ADAM10: variants seen among roughly 807,000 people sequenced by gnomAD.
The protein encoded by ADAM10 is ADAM metallopeptidase domain 10.
ADAM10 carries 17 observed loss-of-function variants against 90.1 expected under a neutral mutation model. The ratio of observed to expected loss-of-function variants is 0.19; its 90% CI spans 0.13 to 0.28. ADAM10 has a LOEUF of 0.28. ADAM10 is among the 10% of genes least tolerant of loss of function. The pLI, the probability that ADAM10 is intolerant of heterozygous loss-of-function variation, is 1.00. For missense variants in ADAM10, 610 were observed against 914.3 expected, an observed-to-expected ratio of 0.67 and a Z score of 4.29; for synonymous variants, 310 against 298.6, an observed-to-expected ratio of 1.04 and a Z score of -0.40.
At chr15:58,614,296 GAAAGA>G (rs1895539543) in intron 11 of ADAM10, among the ~76,000 whole-genome samples, 1 of 42,966 alleles carries the variant, frequency 2.3e-5, no homozygotes, top group Non-Finnish European at 3.6e-5. Flanking sequence ...AAAATAAAAA[GAAAGA>G]AAAAAGAAAG....
Position 58,708,477 on chromosome 15 carries a change from C to A in ADAM10, c.206+9100G>T, listed in dbSNP as rs571623087. Reference sequence around the variant, plus strand: ...AAGAGTTCGAGACCGGCCCGGGCAACACAGCAAGAAGCCCTATCTACAAAA... The same window carrying A: ...AAGAGTTCGAGACCGGCCCGGGCAAAACAGCAAGAAGCCCTATCTACAAAA... On this transcript the variant is annotated intron_variant, in intron 2 of 15. Transcript: ENST00000260408. Among the ~76,000 whole-genome samples the A allele has an allele frequency of 3.4e-4, 51 of 152,102 alleles. 2 individuals are homozygous for A. In the South Asian group the frequency reaches 0.01, roughly 30 times the overall value.
intron 9 of ADAM10, 78 bp downstream of exon 9, chr15:58,633,118 G>T: frequency 2.9e-6 from 4 of 1,382,482 alleles, no homozygotes; most frequent in Non-Finnish European, 4.1e-6. Flanking sequence ...TGTTTTCACG[G>T]TGAATTTTAA....
intron 14 of ADAM10, among the ~76,000 whole-genome samples, chr15:58,604,014 ACATGCTCTGTCCC>A (rs1461942345): frequency 6.6e-6 from 1 of 152,134 alleles, no homozygotes; most frequent in Non-Finnish European, 1.5e-5. Context: ...TGACTTTTTC[ACATGCTCTGTCCC>A]CATAAAATAT....
chr15:58,608,665 G>A lies in ADAM10; in HGVS notation c.2025+1632C>T, dbSNP rs1895347388. Among the ~76,000 whole-genome samples, 3 of 152,146 alleles carry A rather than the reference G, an allele frequency of 2.0e-5. No individual in the cohort carries two copies. The South Asian group carries it at 6.2e-4, about 31-fold the overall frequency. On this transcript the variant is annotated intron_variant, in intron 14 of 15. Transcript: ENST00000260408. ...TCCAGAGCACAAGAAAGGACTTCAT[G>A]TTGCCAATTCATTGTGAAACATTTC... is the stretch of plus-strand genomic sequence containing the variant.
chr15:58,688,786 A>ATATATATATATATCTATCTCTCTC, intron 2 of ADAM10, among the ~76,000 whole-genome samples: 5 of 122,392 alleles, frequency 4.1e-5, no homozygotes, highest in African/African-American at 1.8e-4. Context: ...ATATATATAT[A>ATATATATATATATCTATCTCTCTC]TCTCTCTCTC....
intron 2 of ADAM10, among the ~76,000 whole-genome samples, chr15:58,688,610 T>C (rs1457754460): frequency 6.7e-6 from 1 of 149,236 alleles, no homozygotes; most frequent in African/African-American, 2.5e-5. Flanking sequence ...TGTTAAAGAA[T>C]TATGGGGAAA....
intron 1 of ADAM10, among the ~76,000 whole-genome samples, chr15:58,727,929 C>T (rs1417232202): frequency 1.3e-5 from 2 of 152,086 alleles, no homozygotes; most frequent in African/African-American, 4.8e-5. Context: ...AAAAAGCAGA[C>T]TCTGTAACTA....
At chr15:58,738,783 T>C (rs2140846643) in intron 1 of ADAM10, among the ~76,000 whole-genome samples, 1 of 152,376 alleles carries the variant, frequency 6.6e-6, no homozygotes, top group Non-Finnish European at 1.5e-5. Flanking sequence ...ATTTCTATGC[T>C]GATTTGAAAT....
At chr15:58,653,921 C>A (rs2140709479) in intron 5 of ADAM10, among the ~76,000 whole-genome samples, 1 of 152,252 alleles carries the variant, frequency 6.6e-6, no homozygotes, top group Middle Eastern at 3.4e-3. Context: ...TTTTGAACAT[C>A]ATGGTTCAAT....
chr15:58,731,610 AGAGT>A (rs1284367661), intron 1 of ADAM10, among the ~76,000 whole-genome samples: 1 of 152,150 alleles, frequency 6.6e-6, no homozygotes, highest in African/African-American at 2.4e-5. Context: ...CCTGAGTGAG[AGAGT>A]GAGACCCTGT....
chr15:58,712,401 G>A lies in ADAM10; in HGVS notation c.206+5176C>T, dbSNP rs138029471. ...TAGCTAGGCATGGTGGTGTGTGCCTGTAGTCCCAGCTACTCAGGAGGCTGA... is the reference window on the plus strand; with the variant it reads ...TAGCTAGGCATGGTGGTGTGTGCCTATAGTCCCAGCTACTCAGGAGGCTGA... On this transcript the variant is annotated intron_variant, in intron 2 of 15. Coordinates refer to ENST00000260408, the MANE Select transcript of ADAM10 (RefSeq NM_001110.4). Among the ~76,000 whole-genome samples, 811 of 151,820 alleles carry A rather than the reference G, an allele frequency of 5.3e-3. 5 individuals carry two copies. The highest frequency in any genetic ancestry group is 9.0e-3 in the Non-Finnish European group (612 of 67,938).
chr15:58,649,195 C>T (rs1244235214), intron 5 of ADAM10, among the ~76,000 whole-genome samples: 1 of 151,990 alleles, frequency 6.6e-6, no homozygotes, highest in African/African-American at 2.4e-5. Flanking sequence ...TCCCTTCCCC[C>T]ATTAGCTTGT....
chr15:58,612,710 C>G (rs1189058341), intron 11 of ADAM10, among the ~76,000 whole-genome samples: 2 of 152,170 alleles, frequency 1.3e-5, no homozygotes, highest in African/African-American at 4.8e-5. Context: ...GCACTGTGCT[C>G]TGGGCTCAAA....
chr15:58,646,107 G>A lies in ADAM10; in HGVS notation c.683C>T (p.Thr228Ile). The A allele has an allele frequency of 6.2e-7, 1 of 1,613,726 alleles. No homozygotes were observed. ...EKNTCQLYIQ[T>I]DHLFFKYYGT... ...GTAATATTTAAAGAACAAATGATCA[G>A]TCTGAATATAAAGCTGACAAGTATT... Residue 228 changes from threonine (T) to isoleucine (I), a missense_variant, in exon 6 of 16, where the codon ACT becomes ATT. By Grantham distance (89) the Thr-to-Ile change is moderately conservative. Around this residue, in one of 4 missense-constraint regions of ADAM10, gnomAD observed 310 missense variants for 362.4 expected, o/e 0.86. Transcript: ENST00000260408.
chr15:58,724,738 G>GA (rs1595658541), intron 1 of ADAM10, among the ~76,000 whole-genome samples: 1 of 152,152 alleles, frequency 6.6e-6, no homozygotes, highest in South Asian at 2.1e-4. Context: ...TCCCGCCTCA[G>GA]AAAAAATGAA....
At chr15:58,701,515 T>C (rs1170400438) in intron 2 of ADAM10, among the ~76,000 whole-genome samples, 1 of 152,214 alleles carries the variant, frequency 6.6e-6, no homozygotes, top group African/African-American at 2.4e-5. Context: ...GAAGCAACAG[T>C]AACTCTTCTA....
intron 5 of ADAM10, among the ~76,000 whole-genome samples, chr15:58,658,645 T>G (rs1896890521): frequency 6.6e-6 from 1 of 152,212 alleles, no homozygotes; most frequent in Non-Finnish European, 1.5e-5. Context: ...ATTTCTCAAT[T>G]TATTTAATCT....
At chr15:58,631,720 G>A (rs944927055) in intron 9 of ADAM10, among the ~76,000 whole-genome samples, 3 of 152,152 alleles carry the variant, frequency 2.0e-5, no homozygotes, top group Admixed American at 1.3e-4. Context: ...AAGATGACTT[G>A]GGGAGAAGAG....
chr15:58,692,150 A>G (rs768828664), intron 2 of ADAM10: 1 of 527,826 alleles, frequency 1.9e-6, no homozygotes, highest in South Asian at 1.4e-5. Flanking sequence ...ATGGACACAG[A>G]GTTGTTCATT....
Sources: gnomAD v4.1 joint callset for allele counts (sites outside exome capture counted in the v4.1 genomes callset) on GRCh38, gnomAD v4.1.1 for gene constraint, gnomAD v4.1.1 regional missense constraint, MANE v1.5 for transcripts, NCBI Gene and HGNC (gene_info 2026-07-23, HGNC 2026-07-21) for gene names.